The following COL4A2 variants were observed in gnomAD, a reference collection of about 807,000 sequenced individuals.
COL4A2 encodes collagen type IV alpha 2 chain, also known as collagen alpha-2(IV) chain.
In COL4A2, 99 loss-of-function variants were observed where a neutral mutation model predicts 200.2. That is an observed-to-expected ratio of 0.49 (90% CI 0.42 to 0.58). The LOEUF is 0.58. COL4A2 is among the 20% of genes least tolerant of loss of function. COL4A2 has a pLI of 0.00. For missense variants in COL4A2, 1,950 were observed against 2,314.1 expected, an observed-to-expected ratio of 0.84 and a Z score of 3.23; for synonymous variants, 897 against 900.6, an observed-to-expected ratio of 1.00 and a Z score of 0.07.
rs1201943787 is a variant in COL4A2, at chr13:110,430,566, C to G, written c.607C>G (p.His203Asp). The change falls in exon 10 of 48, where the codon CAT (histidine) becomes GAT (aspartate). Residue 203 changes from histidine (H) to aspartate (D), a missense_variant. His to Asp is a moderately conservative substitution (Grantham distance 81, BLOSUM62 -1). Coordinates refer to ENST00000360467, the MANE Select transcript of COL4A2 (RefSeq NM_001846.4). The stretch of plus-strand genomic sequence containing the variant: ...ATAGGGACCTCCCGGCCGCCCTGGG[C>G]ATGTGGGACAGATGGGTCCAGTTGG... Reference protein sequence around the residue: ...GFQGPPGRPGHVGQMGPVGAP... With the variant: ...GFQGPPGRPGDVGQMGPVGAP... 1 of 1,614,222 alleles carries G rather than the reference C, an allele frequency of 6.2e-7. No individual in the cohort carries two copies. Among genetic ancestry groups the G allele is most frequent in the African/African-American group, 1.3e-5 (1 of 75,048 alleles).
At chr13:110,459,801 T>C (rs1006780824) in intron 22 of COL4A2, 1 of 152,266 alleles carries the variant, frequency 6.6e-6, no homozygotes, top group Admixed American at 6.5e-5. Flanking sequence ...AACATTCGCC[T>C]TCTGAAGTTT....
At chr13:110,451,055 G>A (rs1375914478) in intron 20 of COL4A2, among the ~76,000 whole-genome samples, 6 of 152,178 alleles carry the variant, frequency 3.9e-5, no homozygotes, top group East Asian at 3.9e-4. Context: ...CAATAAAGCC[G>A]GCAGGCACAG....
intron 28 of COL4A2, among the ~76,000 whole-genome samples, chr13:110,469,789 G>A (rs766500698): frequency 2.1e-4 from 32 of 152,116 alleles, no homozygotes; most frequent in South Asian, 4.1e-4. Flanking sequence ...ACCCACTTGC[G>A]TGTCAGCATG....
chr13:110,446,609 T>C (rs1244554927), intron 17 of COL4A2, among the ~76,000 whole-genome samples, 189 bp from the exon 18 acceptor site: 1 of 152,208 alleles, frequency 6.6e-6, no homozygotes, highest in East Asian at 1.9e-4. Flanking sequence ...GGCTGGTGGC[T>C]GGGATGCCAG....
At chr13:110,395,394 T>A (rs919604192) in intron 4 of COL4A2, among the ~76,000 whole-genome samples, 1 of 152,146 alleles carries the variant, frequency 6.6e-6, no homozygotes, top group Non-Finnish European at 1.5e-5. Context: ...TGAAGGCACA[T>A]AAGGGATTTC....
chr13:110,424,250 T>C (rs112721155), intron 4 of COL4A2, among the ~76,000 whole-genome samples: 15 of 138,164 alleles, frequency 1.1e-4, no homozygotes, highest in African/African-American at 4.1e-4. Flanking sequence ...TTTTTATATG[T>C]TTCAGAAGCT....
chr13:110,392,056 A>G (rs1879003480), intron 4 of COL4A2, among the ~76,000 whole-genome samples: 1 of 152,190 alleles, frequency 6.6e-6, no homozygotes, highest in African/African-American at 2.4e-5. Context: ...ACAAAGACCC[A>G]AGTTTTCAAC....
intron 3 of COL4A2, among the ~76,000 whole-genome samples, chr13:110,354,506 A>G (rs570123481): frequency 6.6e-6 from 1 of 152,314 alleles, no homozygotes; most frequent in African/African-American, 2.4e-5. Context: ...GTTTACTTTT[A>G]CACCATAAAC....
chr13:110,483,601 C>T (rs1883008924), intron 32 of COL4A2, among the ~76,000 whole-genome samples: 2 of 152,250 alleles, frequency 1.3e-5, no homozygotes, highest in South Asian at 4.1e-4. Context: ...GTGGGCGAGC[C>T]TTGAGAACAC....
chr13:110,508,106 G>A lies in COL4A2; in HGVS notation c.4766G>A (p.Arg1589His), dbSNP rs776257191. 9.3e-6 allele frequency: 15 copies of A among 1,614,236 alleles called. No homozygotes were observed. The highest frequency in any genetic ancestry group is 4.5e-5 in the East Asian group (2 of 44,882). The change falls in exon 47 of 48, where the codon CGC becomes CAC. Residue 1589 changes from arginine (R) to histidine (H), a missense_variant. Transcript: ENST00000360467. The surrounding 1 kb of genome is among the most constrained non-coding windows in gnomAD (Gnocchi z 6.1). ...AEDEIKPYISRCSVCEAPAIA... is the reference protein window; with the variant it reads ...AEDEIKPYISHCSVCEAPAIA... ...GACGAGATCAAGCCCTACATCAGCC[G>A]CTGTTCTGTGTGTGAGGCCCCGGCC...
chr13:110,512,195 G>A lies in COL4A2; in HGVS notation c.*4G>A, dbSNP rs542051366. ...GGTGTGCATGAAGAACCTGTGAGCC[G>A]GCGCGTGCCAGGAAGGGCCATTTTG... On this transcript the variant is annotated 3_prime_UTR_variant, in exon 48 of 48. Transcript: ENST00000360467. 7.5e-6 allele frequency: 12 copies of A among 1,608,890 alleles called. No individual in the cohort carries two copies. The highest frequency in any genetic ancestry group is 1.7e-4 in the Middle Eastern group (1 of 6,048).
At chr13:110,397,345 G>A (rs1879215291) in intron 4 of COL4A2, among the ~76,000 whole-genome samples, 1 of 152,160 alleles carries the variant, frequency 6.6e-6, no homozygotes, top group African/African-American at 2.4e-5. Flanking sequence ...CATCACTCTG[G>A]GTCCCTGTCA....
At chr13:110,314,770 C>T (rs1036220502) in intron 3 of COL4A2, among the ~76,000 whole-genome samples, 5 of 152,192 alleles carry the variant, frequency 3.3e-5, no homozygotes, top group African/African-American at 4.8e-5. Flanking sequence ...GCAGTACCCT[C>T]GTGCCCTCCT....
At chr13:110,471,725 C>G (rs1388225598) in intron 28 of COL4A2, among the ~76,000 whole-genome samples, 1 of 152,178 alleles carries the variant, frequency 6.6e-6, no homozygotes, top group Non-Finnish European at 1.5e-5. Context: ...CTTTACCGGC[C>G]CAGGAGGTCC....
intron 3 of COL4A2, among the ~76,000 whole-genome samples, chr13:110,351,818 A>C (rs1478487616): frequency 2.0e-5 from 3 of 152,150 alleles, no homozygotes; most frequent in Non-Finnish European, 4.4e-5. Flanking sequence ...TTGCTGAGGG[A>C]AGTAATGATT....
At chr13:110,318,427 A>G (rs1408197878) in intron 3 of COL4A2, among the ~76,000 whole-genome samples, 1 of 152,188 alleles carries the variant, frequency 6.6e-6, no homozygotes, top group African/African-American at 2.4e-5. Flanking sequence ...TTTGAGAGCC[A>G]CTTTATTTGT....
intron 4 of COL4A2, among the ~76,000 whole-genome samples, chr13:110,359,396 T>G (rs953540373): frequency 6.6e-5 from 10 of 152,242 alleles, no homozygotes; most frequent in African/African-American, 2.4e-4. Context: ...AGTAGTATTT[T>G]GTTTTATGAC....
intron 34 of COL4A2, among the ~76,000 whole-genome samples, chr13:110,486,775 G>T (rs994366549): frequency 1.4e-4 from 22 of 152,110 alleles, no homozygotes; most frequent in African/African-American, 4.8e-4. Context: ...TTCTCTGGCG[G>T]GCAGGAGTGG....
chr13:110,488,834 C>T (rs1280433742), intron 34 of COL4A2, among the ~76,000 whole-genome samples: 3 of 152,184 alleles, frequency 2.0e-5, no homozygotes, highest in Non-Finnish European at 4.4e-5. Context: ...TCACCGCCGC[C>T]GCTGACATCA....
Sources: gnomAD v4.1 joint callset for allele counts (sites outside exome capture counted in the v4.1 genomes callset) on GRCh38, gnomAD v4.1.1 for gene constraint, Gnocchi (gnomAD v3.1) non-coding constraint, MANE v1.5 for transcripts, NCBI Gene and HGNC (gene_info 2026-07-23, HGNC 2026-07-21) for gene names.